The following CNBD1 variants were observed in gnomAD, a reference collection of about 807,000 sequenced individuals.
The protein encoded by CNBD1 is cyclic nucleotide binding domain containing 1.
Under a neutral mutation model 54.4 loss-of-function variants are expected in CNBD1, and 71 were observed. That is an observed-to-expected ratio of 1.30 (90% CI 1.08 to 1.59). The LOEUF is 1.59. Among genes scored for constraint, CNBD1 ranks in the 40% most tolerant of loss-of-function variants. The pLI is 0.00. For missense variants in CNBD1, 659 were observed against 518.0 expected (o/e 1.27, Z -2.64); for synonymous variants, 182 against 170.7 (o/e 1.07, Z -0.51).
chr8:86,927,293 G>A (rs1456667776), intron 3 of CNBD1, among the ~76,000 whole-genome samples: 1 of 152,104 alleles, frequency 6.6e-6, no homozygotes, highest in African/African-American at 2.4e-5. Flanking sequence ...TGAAAGAGGG[G>A]ATAAGAAGGC....
intron 6 of CNBD1, among the ~76,000 whole-genome samples, chr8:87,284,422 CT>C (rs1808653139): frequency 6.6e-6 from 1 of 152,218 alleles, no homozygotes; most frequent in Non-Finnish European, 1.5e-5. Flanking sequence ...TCCAAGCACT[CT>C]AATAGGCACT....
At chr8:87,327,393 CT>C (rs1809702008) in intron 8 of CNBD1, among the ~76,000 whole-genome samples, 2 of 151,862 alleles carry the variant, frequency 1.3e-5, no homozygotes, top group Non-Finnish European at 2.9e-5. Context: ...GTGGGCGCCC[CT>C]CCCCCACCCT....
chr8:86,904,430 G>C (rs887543622), intron 2 of CNBD1, among the ~76,000 whole-genome samples: 10 of 151,916 alleles, frequency 6.6e-5, no homozygotes, highest in African/African-American at 2.4e-4. Flanking sequence ...TCTGAATCTT[G>C]CTTATTGGCA....
rs1414821312 is a variant in CNBD1, at chr8:87,018,707, A to G, written c.431+78953A>G. On this transcript the variant is annotated intron_variant, in intron 4 of 10. Transcript: ENST00000518476. The stretch of plus-strand genomic sequence containing the variant: ...ACAAATCTCCCTCATTTGGCATCCT[A>G]CTGGGCCCAGATCTGTTCCACTGCT... Among the ~76,000 whole-genome samples, 8 of 152,176 alleles carry G rather than the reference A, an allele frequency of 5.3e-5. No individual in the cohort carries two copies. In the South Asian group the frequency reaches 1.2e-3, roughly 24 times the overall value.
At chr8:86,874,314 C>T (rs940886431) in intron 1 of CNBD1, among the ~76,000 whole-genome samples, 1 of 152,112 alleles carries the variant, frequency 6.6e-6, no homozygotes, top group African/African-American at 2.4e-5. Flanking sequence ...GAATATCTTT[C>T]AATTTGGTTT....
chr8:86,929,383 C>G (rs1297222588), intron 3 of CNBD1, among the ~76,000 whole-genome samples: 2 of 152,186 alleles, frequency 1.3e-5, no homozygotes, highest in Admixed American at 1.3e-4. Flanking sequence ...AGTAGTTCTG[C>G]TAACTGGGCG....
chr8:87,121,192 G>A (rs1414669837), intron 4 of CNBD1, among the ~76,000 whole-genome samples: 1 of 151,484 alleles, frequency 6.6e-6, no homozygotes, highest in Non-Finnish European at 1.5e-5. Flanking sequence ...AAACTTGAAA[G>A]GCTAAATATT....
At chr8:87,349,187 T>C (rs1385608541) in intron 8 of CNBD1, among the ~76,000 whole-genome samples, 2 of 152,116 alleles carry the variant, frequency 1.3e-5, no homozygotes, top group Admixed American at 6.6e-5. Context: ...TCATTTTCTA[T>C]ATAAGGGAGG....
intron 6 of CNBD1, among the ~76,000 whole-genome samples, chr8:87,261,363 G>T (rs1008822288): frequency 6.6e-6 from 1 of 151,940 alleles, no homozygotes; most frequent in Non-Finnish European, 1.5e-5. Flanking sequence ...CTTTACTTTG[G>T]ATCCCACTTC....
chr8:86,973,141 C>G (rs1377686603), intron 4 of CNBD1, among the ~76,000 whole-genome samples: 1 of 152,202 alleles, frequency 6.6e-6, no homozygotes, highest in East Asian at 1.9e-4. Flanking sequence ...CCTACCTACT[C>G]TAGAATTGTA....
chr8:87,303,671 A>C (rs1204327654), intron 8 of CNBD1, among the ~76,000 whole-genome samples: 1 of 151,220 alleles, frequency 6.6e-6, no homozygotes, highest in Non-Finnish European at 1.5e-5. Flanking sequence ...CTGCACAGCA[A>C]AAGAAACTAC....
chr8:87,147,289 C>A (rs1812510209), intron 4 of CNBD1, among the ~76,000 whole-genome samples: 1 of 152,076 alleles, frequency 6.6e-6, no homozygotes, highest in Non-Finnish European at 1.5e-5. Flanking sequence ...CAGAATATAA[C>A]ATCCATGAGA....
intron 4 of CNBD1, among the ~76,000 whole-genome samples, chr8:86,962,042 C>T (rs2130471803): frequency 6.6e-6 from 1 of 152,284 alleles, no homozygotes; most frequent in East Asian, 1.9e-4. Context: ...AGCTGGAAGA[C>T]AAGAACAGAT....
intron 1 of CNBD1, among the ~76,000 whole-genome samples, chr8:86,885,549 C>T (rs938141857): frequency 6.6e-6 from 1 of 152,124 alleles, no homozygotes; most frequent in Non-Finnish European, 1.5e-5. Flanking sequence ...CTCTTTGAAC[C>T]TCTTTAAACT....
Position 87,012,713 on chromosome 8 carries a change from G to A in CNBD1, c.431+72959G>A, listed in dbSNP as rs375606512. ...CTCCACAGTCCTTTACCTTTAACCT[G>A]AACATTCCTTTCTATCAATACCAGG... On this transcript the variant is annotated intron_variant, in intron 4 of 10. Coordinates refer to ENST00000518476, the MANE Select transcript of CNBD1 (RefSeq NM_173538.3). Among the ~76,000 whole-genome samples, 18 of 152,220 alleles carry A rather than the reference G, an allele frequency of 1.2e-4. No individual in the cohort carries two copies. The South Asian group carries it at 3.7e-3, about 32-fold the overall frequency.
chr8:87,239,164 T>C (rs752856871), intron 6 of CNBD1, among the ~76,000 whole-genome samples: 23 of 152,106 alleles, frequency 1.5e-4, no homozygotes, highest in African/African-American at 4.8e-4. Context: ...AATGAAAAGA[T>C]AGAAATCAAG....
chr8:87,319,921 A>G (rs921020990), intron 8 of CNBD1, among the ~76,000 whole-genome samples: 2 of 151,996 alleles, frequency 1.3e-5, no homozygotes, highest in Non-Finnish European at 2.9e-5. Context: ...TGATGTTTTA[A>G]CAACAAAATT....
At chr8:86,873,169 T>G (rs2131768860) in intron 1 of CNBD1, among the ~76,000 whole-genome samples, 1 of 151,588 alleles carries the variant, frequency 6.6e-6, no homozygotes, top group African/African-American at 2.4e-5. Context: ...TGGCACGATC[T>G]TGGTTCACCG....
chr8:86,913,661 C>T (rs1586130571), intron 3 of CNBD1, among the ~76,000 whole-genome samples: 1 of 152,184 alleles, frequency 6.6e-6, no homozygotes, highest in East Asian at 1.9e-4. Context: ...TCAAGGGCAA[C>T]AAAAGATCAC....
Sources: gnomAD v4.1 joint callset for allele counts (sites outside exome capture counted in the v4.1 genomes callset) on GRCh38, gnomAD v4.1.1 for gene constraint, MANE v1.5 for transcripts, NCBI Gene and HGNC (gene_info 2026-07-23, HGNC 2026-07-21) for gene names.